The following GPHN variants were observed in gnomAD, a reference collection of about 807,000 sequenced individuals.
The protein encoded by GPHN is gephyrin.
GPHN carries 17 observed loss-of-function variants against 95.5 expected under a neutral mutation model. That is an observed-to-expected ratio of 0.18 (90% CI 0.12 to 0.27). GPHN has a LOEUF of 0.27. Ranked by LOEUF, GPHN falls within the 10% of genes least tolerant of loss-of-function variation. GPHN has a pLI of 1.00. For synonymous variants in GPHN, 320 were observed against 322.5 expected (o/e 0.99, Z 0.08); for missense variants, 660 against 978.1 (o/e 0.67, Z 4.34).
chr14:66,905,048 T>C (rs947237215), intron 5 of GPHN, among the ~76,000 whole-genome samples: 11 of 152,156 alleles, frequency 7.2e-5, no homozygotes, highest in African/African-American at 2.7e-4. Context: ...TGAACATCAA[T>C]AAAATAATTT....
chr14:66,776,796 A>G (rs550820027), intron 3 of GPHN, among the ~76,000 whole-genome samples: 2 of 152,288 alleles, frequency 1.3e-5, no homozygotes, highest in South Asian at 2.1e-4. Flanking sequence ...AACACTGTGT[A>G]TAAGCATTGG....
chr14:67,058,841 A>C, intron 11 of GPHN, 55 bp downstream of exon 11: 1 of 1,456,380 alleles, frequency 6.9e-7, no homozygotes, highest in Non-Finnish European at 9.6e-7. Context: ...TCCAAATAAG[A>C]TTCATGTAAC....
chr14:67,230,906 G>A, the GPHN span, among the ~76,000 whole-genome samples: 1 of 152,162 alleles, frequency 6.6e-6, no homozygotes, highest in African/African-American at 2.4e-5. Flanking sequence ...AATTGCATGC[G>A]ATTCTAAGTA....
chr14:67,305,287 T>C, the GPHN span, among the ~76,000 whole-genome samples: 1 of 146,776 alleles, frequency 6.8e-6, no homozygotes, highest in African/African-American at 2.5e-5. Flanking sequence ...AGTTAAGACA[T>C]TTTTTTTTTT....
At chr14:67,096,614 G>A (rs1478199705) in intron 12 of GPHN, among the ~76,000 whole-genome samples, 1 of 147,658 alleles carries the variant, frequency 6.8e-6, no homozygotes, top group African/African-American at 2.5e-5. Context: ...AATCAAAGCA[G>A]TCTTTTTTTT....
the GPHN span, chr14:67,320,980 C>A: frequency 2.5e-6 from 3 of 1,206,538 alleles, no homozygotes; most frequent in Non-Finnish European, 3.7e-6. Flanking sequence ...AATAGAAATT[C>A]TTTCTGACTA....
At chr14:66,961,219 T>A (rs982025964) in intron 8 of GPHN, among the ~76,000 whole-genome samples, 5 of 152,104 alleles carry the variant, frequency 3.3e-5, no homozygotes, top group African/African-American at 4.8e-5. Context: ...CCCATTTACC[T>A]GGTTGTAAAC....
At chr14:67,479,060 T>G in the GPHN span, among the ~76,000 whole-genome samples, 3 of 152,136 alleles carry the variant, frequency 2.0e-5, no homozygotes, top group African/African-American at 7.2e-5. Context: ...TTCTGCATAC[T>G]TTTTTTTCCT....
intron 1 of GPHN, among the ~76,000 whole-genome samples, chr14:66,554,434 C>T (rs2059933150): frequency 6.6e-6 from 1 of 152,166 alleles, no homozygotes; most frequent in Non-Finnish European, 1.5e-5. Context: ...CACAGTTGCA[C>T]ATGGCTAGGG....
At chr14:66,623,065 G>A (rs1405460037) in intron 1 of GPHN, among the ~76,000 whole-genome samples, 1 of 152,146 alleles carries the variant, frequency 6.6e-6, no homozygotes, top group Non-Finnish European at 1.5e-5. Flanking sequence ...AAAAGAAAGA[G>A]GTTTAATGGA....
At chr14:67,678,171 T>C in the GPHN span, 1 of 588,974 alleles carries the variant, frequency 1.7e-6, no homozygotes, top group East Asian at 2.9e-5. Flanking sequence ...GGCAGTACAC[T>C]GAGTTTTAAC....
At chr14:67,529,772 G>C in the GPHN span, among the ~76,000 whole-genome samples, 1 of 152,136 alleles carries the variant, frequency 6.6e-6, no homozygotes. Context: ...CAAAGATTCA[G>C]CAGTAGAAGT....
At chr14:67,728,703 T>TGTG in the GPHN span, among the ~76,000 whole-genome samples, 2 of 142,154 alleles carry the variant, frequency 1.4e-5, no homozygotes, top group Admixed American at 7.0e-5. Flanking sequence ...GGATATCTTG[T>TGTG]GGGGGGGGGG....
At chr14:67,373,054 A>AT in the GPHN span, among the ~76,000 whole-genome samples, 2 of 152,350 alleles carry the variant, frequency 1.3e-5, no homozygotes, top group Admixed American at 1.3e-4. Flanking sequence ...ATTGAGAGAC[A>AT]TGGAGCAGTT....
the GPHN span, among the ~76,000 whole-genome samples, chr14:67,634,841 C>A: frequency 6.6e-6 from 1 of 152,146 alleles, no homozygotes. Context: ...ATTTACTTAT[C>A]CCTCTCTATT....
At chr14:67,652,814 G>A in the GPHN span, among the ~76,000 whole-genome samples, 1 of 151,476 alleles carries the variant, frequency 6.6e-6, no homozygotes, top group Non-Finnish European at 1.5e-5. Context: ...TTTTTTTTGA[G>A]ACGGAGTCTC....
chr14:67,690,915 T>C, the GPHN span: 1 of 538,224 alleles, frequency 1.9e-6, no homozygotes, highest in Non-Finnish European at 3.3e-6. Flanking sequence ...TGTTAAAAAA[T>C]GCGCCAAGGC....
chr14:67,102,558 G>A (rs1435744986), intron 13 of GPHN, among the ~76,000 whole-genome samples: 1 of 152,058 alleles, frequency 6.6e-6, no homozygotes, highest in Non-Finnish European at 1.5e-5. Flanking sequence ...TACTCTGGAG[G>A]CTGAGGCAGG....
the GPHN span, among the ~76,000 whole-genome samples, chr14:67,278,126 T>A: frequency 6.6e-6 from 1 of 151,484 alleles, no homozygotes; most frequent in Non-Finnish European, 1.5e-5. Context: ...GGCCTCTGCC[T>A]CTCAGGTTCA....
Sources: gnomAD v4.1 joint callset for allele counts (sites outside exome capture counted in the v4.1 genomes callset) on GRCh38, gnomAD v4.1.1 for gene constraint, MANE v1.5 for transcripts, NCBI Gene and HGNC (gene_info 2026-07-23, HGNC 2026-07-21) for gene names.